The following POLI variants were observed in gnomAD, a reference collection of about 807,000 sequenced individuals.
The protein encoded by POLI is DNA polymerase iota, also known as RAD30 homolog B.
POLI carries 58 observed loss-of-function variants against 51.6 expected under a neutral mutation model. The observed-to-expected ratio is 1.12, with a 90% CI of 0.91 to 1.40. POLI has a LOEUF of 1.40. POLI is among the 40% of genes most tolerant of loss of function. The probability of loss-of-function intolerance (pLI) is 0.00; values close to 1 mark genes in which losing one functional copy is unlikely to be tolerated. For synonymous variants in POLI, 322 were observed against 299.7 expected (o/e 1.07, Z -0.77); for missense variants, 921 against 871.3 (o/e 1.06, Z -0.72).
Position 54,296,899 on chromosome 18 carries a change from G to T in POLI, c.*2432G>T, listed in dbSNP as rs1328090448. 1 of 919,454 alleles carries T rather than the reference G, an allele frequency of 1.1e-6. No individual in the cohort carries two copies. The highest frequency in any genetic ancestry group is 1.8e-5 in the African/African-American group (1 of 55,764). 57.0% of individuals were successfully genotyped at this position (919,454 alleles called of 1,614,324 possible). ...ATTTTTGATAATTTCAATATTTTAAGTCTTTATAAGTCTACATTTAAGGTT... is the reference window on the plus strand; with the variant it reads ...ATTTTTGATAATTTCAATATTTTAATTCTTTATAAGTCTACATTTAAGGTT... On this transcript the variant is annotated 3_prime_UTR_variant, in exon 10 of 10. Transcript: ENST00000579534.
rs1037087565 is a variant in POLI at position 54,295,423 on chromosome 18, G to T, written c.*956G>T. ...AACTAAAAATTGGATATAAGATTGA[G>T]AATGTATTATATAATTTGCAAGACA... is the stretch of plus-strand genomic sequence containing the variant. On this transcript the variant is annotated 3_prime_UTR_variant, in exon 10 of 10. Transcript: ENST00000579534. 1 of 972,028 alleles carries T rather than the reference G, an allele frequency of 1.0e-6. No individual in the cohort carries two copies. The highest frequency in any genetic ancestry group is 1.1e-4 in the East Asian group (1 of 8,758). 60.2% of individuals were successfully genotyped at this position (972,028 alleles called of 1,614,324 possible). A position where few individuals can be genotyped will look rare whatever the true frequency, so the allele number is the denominator to read the frequency against.
intron 7 of POLI, chr18:54,284,741 G>GTGCAGGGTTTCTGA (rs1568131436): frequency 6.6e-6 from 1 of 152,360 alleles, no homozygotes; most frequent in African/African-American, 2.4e-5. Flanking sequence ...CTGCAGGTGT[G>GTGCAGGGTTTCTGA]TGCAGGGTTT....
At position 54,276,689 on chromosome 18, in the gene POLI, T is replaced by G. The variant is rs542212019; in HGVS notation, c.407-1014T>G. On this transcript the variant is annotated intron_variant, in intron 3 of 9. Transcript: ENST00000579534. ...CCTGAAAGGAGGTAATAGTTTTCTC[T>G]AGGTAATAGTTTTCTCAGGAGTGAT... is the stretch of plus-strand genomic sequence containing the variant. Among the ~76,000 whole-genome samples, 9 of 152,368 alleles carry G rather than the reference T, an allele frequency of 5.9e-5. No individual in the cohort carries two copies. In the East Asian group the frequency reaches 1.7e-3, roughly 29 times the overall value.
rs1343736280 is a variant in POLI, at chr18:54,283,911, T to C, written c.976-11T>C. On this transcript the variant is annotated splice_polypyrimidine_tract_variant and intron_variant, in intron 6 of 9. Transcript: ENST00000579534. The stretch of plus-strand genomic sequence containing the variant: ...AGTTTGTGCTAATCCTTATTTATGC[T>C]TCTTTGATAGTCCTTTAGTGAAGAA... 1.9e-6 allele frequency: 2 copies of C among 1,043,320 alleles called. No homozygotes were observed. Among genetic ancestry groups the C allele is most frequent in the Admixed American group, 4.4e-5 (2 of 45,954 alleles). 64.6% of individuals were successfully genotyped at this position (1,043,320 alleles called of 1,614,324 possible). A position where few individuals can be genotyped will look rare whatever the true frequency, so the allele number is the denominator to read the frequency against.
At chr18:54,311,114 C>G in intron 3 of POLI, 1 of 983,808 alleles carries the variant, frequency 1.0e-6, no homozygotes, top group Non-Finnish European at 1.2e-6. Flanking sequence ...AAAGTGAAAT[C>G]AGTATGCTGC....
chr18:54,276,249 A>C (rs2144478857), intron 3 of POLI, among the ~76,000 whole-genome samples: 1 of 152,050 alleles, frequency 6.6e-6, no homozygotes, highest in Admixed American at 6.6e-5. Flanking sequence ...ATGTGCCTGC[A>C]GTCCCAGAGG....
rs538541398 is a variant in POLI, at chr18:54,296,575, T to G, written c.*2108T>G. ...TTCTCAACCACTAGCTCTTCAAATA[T>G]TTCTTCTCTATTCTAGGACTGTATA... On this transcript the variant is annotated 3_prime_UTR_variant, in exon 10 of 10. Coordinates refer to ENST00000579534, the MANE Select transcript of POLI (RefSeq NM_007195.3). 2 of 166,380 alleles carry G rather than the reference T, an allele frequency of 1.2e-5. No individual in the cohort carries two copies. The highest frequency in any genetic ancestry group is 2.0e-4 in the South Asian group (1 of 5,104). 10.3% of individuals were successfully genotyped at this position (166,380 alleles called of 1,614,324 possible). A position where few individuals can be genotyped will look rare whatever the true frequency, so the allele number is the denominator to read the frequency against.
rs1409423384 is a variant in POLI at position 54,294,497 on chromosome 18, A to G, written c.*30A>G. ...ATTCAGCAAAAAGGTCTGAAAAGCAAGGGAATACCATTATTTTCGGATTAG... is the reference window on the plus strand; with the variant it reads ...ATTCAGCAAAAAGGTCTGAAAAGCAGGGGAATACCATTATTTTCGGATTAG... On this transcript the variant is annotated 3_prime_UTR_variant, in exon 10 of 10. Transcript: ENST00000579534. 2.6e-6 allele frequency: 4 copies of G among 1,542,960 alleles called. No individual in the cohort carries two copies. The East Asian group carries it at 9.0e-5, about 35-fold the overall frequency.
intron 2 of POLI, 146 bp downstream of exon 2, chr18:54,271,631 A>C: frequency 1.8e-6 from 1 of 549,500 alleles, no homozygotes; most frequent in Non-Finnish European, 3.1e-6. Flanking sequence ...TTTTTGCTTC[A>C]CTACCAAGTG....
rs1476513803 is a variant in POLI, at chr18:54,295,011, A to G, written c.*544A>G. ...ATTAATGCTTCTTCATACACCAAGA[A>G]TCTACCACAATACACAGCACACAAA... On this transcript the variant is annotated 3_prime_UTR_variant, in exon 10 of 10. Transcript: ENST00000579534. 9 of 985,320 alleles carry G rather than the reference A, an allele frequency of 9.1e-6. No individual in the cohort carries two copies. The highest frequency in any genetic ancestry group is 1.1e-5 in the Non-Finnish European group (9 of 829,840). 61.0% of individuals were successfully genotyped at this position (985,320 alleles called of 1,614,324 possible). A position where few individuals can be genotyped will look rare whatever the true frequency, so the allele number is the denominator to read the frequency against.
At chr18:54,318,829 T>C (rs1402374258) in intron 3 of POLI, among the ~76,000 whole-genome samples, 2 of 152,010 alleles carry the variant, frequency 1.3e-5, no homozygotes, top group African/African-American at 2.4e-5. Context: ...AAGCTTAATT[T>C]TCTAAAAAAA....
In POLI at chr18:54,280,917, A is replaced by T; in HGVS notation, c.796+14A>T. On this transcript the variant is annotated intron_variant, in intron 5 of 9. Transcript: ENST00000579534. The stretch of plus-strand genomic sequence containing the variant: ...AGGAAATACCTGGTAAGACAAATAT[A>T]TTTGAAAAGTACATATACGTCTTAT... 7.3e-7 allele frequency: 1 copy of T among 1,364,480 alleles called. No individual in the cohort carries two copies. The highest frequency in any genetic ancestry group is 1.0e-6 in the Non-Finnish European group (1 of 955,632). The allele number at this position is 1,364,480 out of a possible 1,614,324, so 84.5% of individuals were successfully genotyped here. A position where few individuals can be genotyped will look rare whatever the true frequency, so the allele number is the denominator to read the frequency against.
intron 3 of POLI, among the ~76,000 whole-genome samples, chr18:54,319,999 ATTC>A (rs536099781): frequency 7.2e-5 from 11 of 152,340 alleles, no homozygotes; most frequent in Admixed American, 2.6e-4. Flanking sequence ...AAAGTCTCAC[ATTC>A]TTCTAAGAGT....
intron 9 of POLI, among the ~76,000 whole-genome samples, chr18:54,293,380 C>T (rs545979): frequency 0.25 from 38,441 of 151,700 alleles, 5,083 homozygotes; most frequent in Middle Eastern, 0.3. Context: ...ATGATTGTTA[C>T]AATCTTCCCA....
chr18:54,269,503 A>T (rs758768870), upstream of POLI: 12 of 1,499,946 alleles, frequency 8.0e-6, no homozygotes, highest in Non-Finnish European at 1.1e-5. Context: ...CCTGGAGACC[A>T]GGCGGAAGCG....
chr18:54,286,562 A>G (rs545512523), intron 7 of POLI, among the ~76,000 whole-genome samples: 2 of 152,242 alleles, frequency 1.3e-5, no homozygotes, highest in South Asian at 4.1e-4. Context: ...GTAAGAAAAA[A>G]GTTTGAAAAA....
chr18:54,299,462 TAATAA>T (rs2088453382), downstream of POLI, among the ~76,000 whole-genome samples: 1 of 152,112 alleles, frequency 6.6e-6, no homozygotes, highest in Admixed American at 6.6e-5. Context: ...GCCTGTTTTA[TAATAA>T]AATGTTGAAT....
At position 54,295,522 on chromosome 18, in the gene POLI, A is replaced by T; in HGVS notation, c.*1055A>T. 1.1e-6 allele frequency: 1 copy of T among 897,596 alleles called. No homozygotes were observed. Among genetic ancestry groups the T allele is most frequent in the Non-Finnish European group, 1.3e-6 (1 of 750,046 alleles). 55.6% of individuals were successfully genotyped at this position (897,596 alleles called of 1,614,324 possible). Reference sequence around the variant, plus strand: ...GGAGTATCCTGGTCTCAAGTTTATAATTTTTGCACATATAATCTAAAGAAG... The same window carrying T: ...GGAGTATCCTGGTCTCAAGTTTATATTTTTTGCACATATAATCTAAAGAAG... On this transcript the variant is annotated 3_prime_UTR_variant, in exon 10 of 10. Coordinates refer to ENST00000579534, the MANE Select transcript of POLI (RefSeq NM_007195.3).
intron 8 of POLI, among the ~76,000 whole-genome samples, chr18:54,289,214 T>TC (rs372131810): frequency 1.3e-5 from 2 of 151,130 alleles, no homozygotes; most frequent in Admixed American, 6.6e-5. Flanking sequence ...TTTTTTTTTT[T>TC]CCATTCAAAT....
Sources: allele counts gnomAD v4.1 joint callset (sites outside exome capture counted in the v4.1 genomes callset), GRCh38; gene constraint gnomAD v4.1.1; transcripts MANE v1.5; gene names NCBI Gene and HGNC (gene_info 2026-07-23, HGNC 2026-07-21).